Variants in ZNF423 observed in about 807,000 individuals in gnomAD.
ZNF423 encodes the protein zinc finger protein 423, also known as Ebf-associated zinc finger protein.
A neutral mutation model predicts 95.8 loss-of-function variants in ZNF423; 12 were observed. The observed-to-expected ratio is 0.13, with a 90% CI of 0.08 to 0.20. ZNF423 has a LOEUF of 0.20. ZNF423 is among the 10% of genes least tolerant of loss of function. The pLI is 1.00. For missense variants in ZNF423, 1,316 were observed against 1,737.1 expected (o/e 0.76, Z 4.31); for synonymous variants, 749 against 711.9 (o/e 1.05, Z -0.83).
chr16:49,530,674 G>A (rs991295552), intron 5 of ZNF423, among the ~76,000 whole-genome samples: 4 of 152,112 alleles, frequency 2.6e-5, no homozygotes, highest in South Asian at 2.1e-4. Flanking sequence ...CACAGGACTC[G>A]GCTTGTAAAA....
At chr16:49,633,011 G>A (rs568741792) in intron 4 of ZNF423, among the ~76,000 whole-genome samples, 39 of 152,266 alleles carry the variant, frequency 2.6e-4, no homozygotes, top group African/African-American at 8.4e-4. Flanking sequence ...GTGACCACCC[G>A]GGACCCCACC....
At position 49,489,990 on chromosome 16, in the gene ZNF423, G is replaced by T. The variant is rs577630067; in HGVS notation, c.*1285C>A. On this transcript the variant is annotated 3_prime_UTR_variant, in exon 8 of 8. Coordinates refer to ENST00000563137, the MANE Select transcript of ZNF423 (RefSeq NM_001379286.1). Reference sequence around the variant, plus strand: ...TCCCAGCACTTGCAGGTGTAGGGGGGCCCTGAGAGCGAGTGCCCCCTGAAA... The same window carrying T: ...TCCCAGCACTTGCAGGTGTAGGGGGTCCCTGAGAGCGAGTGCCCCCTGAAA... 6.6e-6 allele frequency: 1 copy of T among 152,336 alleles called. No individual in the cohort carries two copies. Among genetic ancestry groups the T allele is most frequent in the Non-Finnish European group, 1.5e-5 (1 of 68,086 alleles). The allele number at this position is 152,336 out of a possible 1,614,324, so 9.4% of individuals were successfully genotyped here. A position where few individuals can be genotyped will look rare whatever the true frequency, so the allele number is the denominator to read the frequency against.
At chr16:49,546,170 T>A (rs1043464345) in intron 5 of ZNF423, among the ~76,000 whole-genome samples, 6 of 152,228 alleles carry the variant, frequency 3.9e-5, no homozygotes, top group African/African-American at 1.4e-4. Flanking sequence ...AGGTTTTTTT[T>A]AATGATCAAG....
intron 5 of ZNF423, among the ~76,000 whole-genome samples, chr16:49,586,728 C>A (rs1596677638): frequency 1.3e-5 from 2 of 152,204 alleles, no homozygotes; most frequent in South Asian, 4.1e-4. Flanking sequence ...CAGGACTGTT[C>A]CCTTCACAGC....
intron 3 of ZNF423, among the ~76,000 whole-genome samples, chr16:49,649,640 C>T (rs1973316135): frequency 5.3e-5 from 1 of 18,730 alleles, no homozygotes; most frequent in Non-Finnish European, 1.0e-4. Flanking sequence ...CTTTGAAGTA[C>T]ACACACACAC....
chr16:49,792,139 A>T (rs1471082235), intron 1 of ZNF423, among the ~76,000 whole-genome samples: 5 of 151,784 alleles, frequency 3.3e-5, no homozygotes, highest in Admixed American at 1.3e-4. Flanking sequence ...TGATTTAGTC[A>T]TCTGCAGGTA....
At chr16:49,506,630 G>C (rs1257834012) in intron 7 of ZNF423, among the ~76,000 whole-genome samples, 3 of 149,788 alleles carry the variant, frequency 2.0e-5, no homozygotes, top group African/African-American at 7.4e-5. Context: ...ATGGATAGAT[G>C]AAATGGTGTG....
At chr16:49,593,081 G>T (rs1458807863) in intron 5 of ZNF423, among the ~76,000 whole-genome samples, 1 of 152,104 alleles carries the variant, frequency 6.6e-6, no homozygotes, top group African/African-American at 2.4e-5. Flanking sequence ...TGAAGAGAAG[G>T]GGGACCCCTG....
chr16:49,623,779 G>A (rs369335181), intron 5 of ZNF423, among the ~76,000 whole-genome samples: 26 of 152,300 alleles, frequency 1.7e-4, no homozygotes, highest in African/African-American at 6.0e-4. Flanking sequence ...CCACACACAC[G>A]ATTGGGAGTC....
chr16:49,855,952 G>C lies in ZNF423; in HGVS notation c.-178C>G, dbSNP rs971271726. Reference sequence around the variant, plus strand: ...CAGGTCCGGGGCGGCCTCCCTTGGGGGGGCAGCCCGGGCCGGCCGAGGCCG... The same window carrying C: ...CAGGTCCGGGGCGGCCTCCCTTGGGCGGGCAGCCCGGGCCGGCCGAGGCCG... On this transcript the variant is annotated 5_prime_UTR_variant, in exon 1 of 8. Transcript: ENST00000563137. The surrounding 1 kb of genome is among the most constrained non-coding windows in gnomAD (Gnocchi z 4.7). 2.0e-5 allele frequency: 3 copies of C among 150,530 alleles called. No individual in the cohort carries two copies. Among genetic ancestry groups the C allele is most frequent in the Admixed American group, 2.0e-4 (3 of 15,196 alleles). 9.3% of individuals were successfully genotyped at this position (150,530 alleles called of 1,614,324 possible).
At chr16:49,738,641 G>A (rs2033346386) in intron 2 of ZNF423, among the ~76,000 whole-genome samples, 1 of 152,128 alleles carries the variant, frequency 6.6e-6, no homozygotes, top group South Asian at 2.1e-4. Flanking sequence ...TGGACGGGAG[G>A]AGAAAGGGTG....
chr16:49,533,294 C>G (rs1968928368), intron 5 of ZNF423, among the ~76,000 whole-genome samples: 1 of 152,134 alleles, frequency 6.6e-6, no homozygotes, highest in African/African-American at 2.4e-5. Flanking sequence ...GGAACGAAGG[C>G]TAAGAAAGGA....
intron 5 of ZNF423, among the ~76,000 whole-genome samples, chr16:49,543,650 G>A (rs754602286): frequency 4.6e-5 from 7 of 152,212 alleles, no homozygotes; most frequent in South Asian, 2.1e-4. Flanking sequence ...GCGGGTGGGC[G>A]GGGGCAGCGT....
intron 1 of ZNF423, among the ~76,000 whole-genome samples, chr16:49,804,421 TTAAC>T (rs1370121449): frequency 5.3e-5 from 8 of 152,274 alleles, no homozygotes; most frequent in Admixed American, 2.0e-4. Context: ...CAAATTGAAT[TTAAC>T]TAAGCAAAGA....
At chr16:49,543,291 G>A (rs1597078441) in intron 5 of ZNF423, among the ~76,000 whole-genome samples, 3 of 152,152 alleles carry the variant, frequency 2.0e-5, no homozygotes, top group African/African-American at 7.2e-5. Context: ...GCCTGGGTAA[G>A]CCCAAGCAGC....
At chr16:49,568,526 G>A (rs761813355) in intron 5 of ZNF423, among the ~76,000 whole-genome samples, 3 of 152,176 alleles carry the variant, frequency 2.0e-5, no homozygotes, top group Non-Finnish European at 4.4e-5. Context: ...TACAAGGTAT[G>A]TATGCCTCCT....
chr16:49,697,234 C>T (rs2032008465), intron 3 of ZNF423, among the ~76,000 whole-genome samples: 1 of 152,138 alleles, frequency 6.6e-6, no homozygotes, highest in African/African-American at 2.4e-5. Flanking sequence ...CCTTCTGTCA[C>T]CTGGTTTCTG....
intron 3 of ZNF423, among the ~76,000 whole-genome samples, chr16:49,654,931 TTACTGTCATCTTACAGTAAA>T (rs60819025): frequency 0.55 from 83,781 of 151,874 alleles, 23,404 homozygotes; most frequent in East Asian, 0.76. Flanking sequence ...ACTTTTAAGG[TTACTGTCATCTTACAGTAAA>T]TGATACTGGT....
intron 2 of ZNF423, among the ~76,000 whole-genome samples, chr16:49,763,497 A>G (rs778569562): frequency 3.5e-4 from 53 of 152,258 alleles, no homozygotes; most frequent in Non-Finnish European, 7.2e-4. Flanking sequence ...AAGGTTTTAC[A>G]TAAATGAGCA....
Sources: allele counts gnomAD v4.1 joint callset (sites outside exome capture counted in the v4.1 genomes callset), GRCh38; gene constraint gnomAD v4.1.1; non-coding constraint Gnocchi (gnomAD v3.1); transcripts MANE v1.5; gene names NCBI Gene and HGNC (gene_info 2026-07-23, HGNC 2026-07-21).